PIWIL2: variants seen among roughly 807,000 people sequenced by gnomAD.
PIWIL2 encodes the protein piwi like RNA-mediated gene silencing 2.
A neutral mutation model predicts 116.5 loss-of-function variants in PIWIL2; 81 were observed. The observed-to-expected ratio is 0.70, with a 90% CI of 0.58 to 0.84. The LOEUF (loss-of-function observed/expected upper bound fraction) is 0.84. PIWIL2 is among the 40% of genes least tolerant of loss of function. The probability of loss-of-function intolerance (pLI) is 0.00; values close to 1 mark genes in which losing one functional copy is unlikely to be tolerated. For missense variants in PIWIL2, 1,272 were observed against 1,212.3 expected (o/e 1.05, Z -0.73); for synonymous variants, 489 against 429.5 (o/e 1.14, Z -1.71).
chr8:22,322,806 G>T (rs956240416), intron 20 of PIWIL2, among the ~76,000 whole-genome samples: 7 of 152,208 alleles, frequency 4.6e-5, no homozygotes, highest in Non-Finnish European at 1.0e-4. Flanking sequence ...CTCCCAAAGT[G>T]CCGGGATTAC....
chr8:22,295,209 C>G (rs1830869110), intron 10 of PIWIL2, among the ~76,000 whole-genome samples: 1 of 151,990 alleles, frequency 6.6e-6, no homozygotes, highest in South Asian at 2.1e-4. Flanking sequence ...ATGGCCCAGA[C>G]TGAAGTGCAG....
intron 20 of PIWIL2, among the ~76,000 whole-genome samples, chr8:22,331,407 A>G (rs1279518955): frequency 6.6e-6 from 1 of 151,640 alleles, no homozygotes; most frequent in Non-Finnish European, 1.5e-5. Context: ...CTAAAGCCCG[A>G]GGAGTTCAAG....
rs756838259 is a variant in PIWIL2, at chr8:22,290,241, T to G, written c.1076T>G (p.Ile359Ser). The change falls in exon 10 of 23, where the codon ATC (isoleucine) becomes AGC (serine). Residue 359 changes from isoleucine (I) to serine (S), a missense_variant. Coordinates refer to ENST00000356766, the MANE Select transcript of PIWIL2 (RefSeq NM_018068.5). ...AMVLQQHRLQ[I>S]WPGYAASIRR... is the part of the protein sequence containing the mutation. ...ACCACCTCTCTCTCCAGATTGCAGA[T>G]CTGGCCAGGCTATGCAGCTAGCATC... 1 of 1,601,836 alleles carries G rather than the reference T, an allele frequency of 6.2e-7. No individual in the cohort carries two copies. The highest frequency in any genetic ancestry group is 2.2e-5 in the East Asian group (1 of 44,522).
At chr8:22,327,031 T>TC (rs1586582215) in intron 20 of PIWIL2, among the ~76,000 whole-genome samples, 1 of 144,622 alleles carries the variant, frequency 6.9e-6, no homozygotes, top group East Asian at 2.0e-4. Context: ...TTACTTTTTT[T>TC]TTTTTTTTTT....
rs149244306 is a variant in PIWIL2 at position 22,352,596 on chromosome 8, G to A, written c.2404-363G>A. 1.2e-3 allele frequency among the ~76,000 whole-genome samples: 186 copies of A among 152,210 alleles called. 1 individual carries two copies. Among genetic ancestry groups the A allele is most frequent in the Admixed American group, 2.7e-3 (41 of 15,274 alleles). On this transcript the variant is annotated intron_variant, in intron 20 of 22. Coordinates refer to ENST00000356766, the MANE Select transcript of PIWIL2 (RefSeq NM_018068.5). ...AACACTTTACCTTATTCTTTGCCCC[G>A]ACAGTTATTAGTGTTAAATCCAAGT...
At chr8:22,289,685 G>A (rs1830713110) in intron 8 of PIWIL2, among the ~76,000 whole-genome samples, 162 bp from the exon 9 acceptor site, 1 of 152,176 alleles carries the variant, frequency 6.6e-6, no homozygotes. Flanking sequence ...GCAGTTTTTG[G>A]TTTTCTTTTA....
rs532236233 is a variant in PIWIL2, at chr8:22,300,337, G to C, written c.1182-3684G>C. 3.1e-4 allele frequency among the ~76,000 whole-genome samples: 47 copies of C among 152,222 alleles called. No individual in the cohort carries two copies. The South Asian group carries it at 9.7e-3, about 32-fold the overall frequency. On this transcript the variant is annotated intron_variant, in intron 10 of 22. Transcript: ENST00000356766. ...TTTGAAATCATTCACATTGTTGTAT[G>C]TTGCAAATGTTCATTCCTTTTAATT...
chr8:22,323,282 G>A (rs1159783777), intron 20 of PIWIL2, among the ~76,000 whole-genome samples: 1 of 151,650 alleles, frequency 6.6e-6, no homozygotes, highest in Non-Finnish European at 1.5e-5. Flanking sequence ...CGAGTAGCTG[G>A]GACTATAGGC....
At chr8:22,348,779 T>G (rs1832285748) in intron 20 of PIWIL2, among the ~76,000 whole-genome samples, 2 of 152,200 alleles carry the variant, frequency 1.3e-5, no homozygotes, top group South Asian at 4.1e-4. Context: ...AGAGTTATGT[T>G]TCAGCCTTGT....
intron 20 of PIWIL2, among the ~76,000 whole-genome samples, chr8:22,328,170 T>C (rs1346635840): frequency 1.3e-5 from 2 of 152,206 alleles, no homozygotes; most frequent in African/African-American, 2.4e-5. Context: ...TATCTACTTG[T>C]CATAGCACCA....
intron 5 of PIWIL2, 61 bp downstream of exon 5, chr8:22,283,301 T>C: frequency 1.5e-6 from 2 of 1,310,122 alleles, no homozygotes; most frequent in Non-Finnish European, 2.2e-6. Flanking sequence ...GCATTTTGGC[T>C]CGTGTGTAGT....
At chr8:22,281,075 G>A (rs767692018) in intron 2 of PIWIL2, 45 bp from the exon 3 acceptor site, 11 of 1,157,980 alleles carry the variant, frequency 9.5e-6, no homozygotes, top group South Asian at 1.4e-5. Context: ...TTGTTTCTGG[G>A]GTTTTAAACT....
At chr8:22,302,038 G>C (rs985953560) in intron 10 of PIWIL2, among the ~76,000 whole-genome samples, 7 of 151,948 alleles carry the variant, frequency 4.6e-5, no homozygotes, top group Non-Finnish European at 1.0e-4. Context: ...TTTTCCTTCA[G>C]TTCAAGATAT....
chr8:22,323,141 A>ATGT (rs1367341771), intron 20 of PIWIL2, among the ~76,000 whole-genome samples: 1 of 81,936 alleles, frequency 1.2e-5, no homozygotes, highest in East Asian at 5.8e-4. Flanking sequence ...GATAGTCTTG[A>ATGT]TCTTTTTTTT....
chr8:22,292,008 G>C (rs948034177), intron 10 of PIWIL2, among the ~76,000 whole-genome samples: 1 of 152,116 alleles, frequency 6.6e-6, no homozygotes, highest in African/African-American at 2.4e-5. Flanking sequence ...TTGAGCAAAC[G>C]CTTGAAAGAG....
chr8:22,300,196 A>C (rs1459175923), intron 10 of PIWIL2, among the ~76,000 whole-genome samples: 1 of 152,080 alleles, frequency 6.6e-6, no homozygotes, highest in Non-Finnish European at 1.5e-5. Flanking sequence ...TCAGCCTCCC[A>C]AAGTGCTGGG....
intron 8 of PIWIL2, among the ~76,000 whole-genome samples, chr8:22,289,537 A>G (rs892833604): frequency 3.9e-5 from 6 of 152,216 alleles, no homozygotes; most frequent in African/African-American, 1.2e-4. Context: ...ACACTTAGCA[A>G]TGGGCTGTCT....
intron 20 of PIWIL2, among the ~76,000 whole-genome samples, chr8:22,328,464 C>CA (rs1186734755): frequency 1.3e-5 from 2 of 151,564 alleles, no homozygotes; most frequent in African/African-American, 4.8e-5. Context: ...TTTGTTTCTG[C>CA]AAAAAAAGGC....
At chr8:22,275,562 T>C (rs2131966527) in intron 1 of PIWIL2, 164 bp downstream of exon 1, 1 of 152,038 alleles carries the variant, frequency 6.6e-6, no homozygotes, top group Non-Finnish European at 1.5e-5. Flanking sequence ...GGGCGGGAAG[T>C]CGTTATTCGA....
Sources: gnomAD v4.1 joint callset for allele counts (sites outside exome capture counted in the v4.1 genomes callset) on GRCh38, gnomAD v4.1.1 for gene constraint, MANE v1.5 for transcripts, NCBI Gene and HGNC (gene_info 2026-07-23, HGNC 2026-07-21) for gene names.